ATP8A1: variants seen among roughly 807,000 people sequenced by gnomAD.
ATP8A1 encodes phospholipid-transporting ATPase IA.
ATP8A1 carries 90 observed loss-of-function variants against 177.7 expected under a neutral mutation model. The ratio of observed to expected loss-of-function variants is 0.51; its 90% CI spans 0.43 to 0.60. The LOEUF (loss-of-function observed/expected upper bound fraction) is 0.60. ATP8A1 is among the 20% of genes least tolerant of loss of function. The pLI is 0.00. For synonymous variants in ATP8A1, 493 were observed against 485.9 expected (o/e 1.01, Z -0.19); for missense variants, 1,072 against 1,392.8 (o/e 0.77, Z 3.67).
At chr4:42,481,349 C>A (rs963717440) in intron 25 of ATP8A1, among the ~76,000 whole-genome samples, 1 of 152,142 alleles carries the variant, frequency 6.6e-6, no homozygotes, top group Non-Finnish European at 1.5e-5. Flanking sequence ...CCTGCTATGA[C>A]GAAGCTGGTC....
chr4:42,465,861 T>A (rs1719689384), intron 25 of ATP8A1, among the ~76,000 whole-genome samples: 1 of 151,614 alleles, frequency 6.6e-6, no homozygotes, highest in Non-Finnish European at 1.5e-5. Context: ...TGAAACCCCG[T>A]CTCTACTAAA....
chr4:42,591,382 TC>T (rs1734163658), intron 6 of ATP8A1, among the ~76,000 whole-genome samples: 1 of 152,094 alleles, frequency 6.6e-6, no homozygotes, highest in South Asian at 2.1e-4. Context: ...ATGTTCTGAC[TC>T]CAAAATATTT....
At chr4:42,619,449 T>C (rs1312932048) in intron 4 of ATP8A1, among the ~76,000 whole-genome samples, 1 of 152,070 alleles carries the variant, frequency 6.6e-6, no homozygotes, top group Non-Finnish European at 1.5e-5. Flanking sequence ...AATTTTAGAG[T>C]ATTTCCAAGT....
chr4:42,464,654 C>A, intron 27 of ATP8A1, 36 bp downstream of exon 27: 1 of 1,248,322 alleles, frequency 8.0e-7, no homozygotes, highest in Non-Finnish European at 1.1e-6. Flanking sequence ...AATATGTATG[C>A]AAATGACAAG....
rs191050267 is a variant in ATP8A1, at chr4:42,642,768, C to G, written c.49+14057G>C. On this transcript the variant is annotated intron_variant, in intron 1 of 36. Transcript: ENST00000381668. ...ATTTTACCTCAAGATGCTACTACTA[C>G]TAATTAGAATCATGAAATTAGCTCC... is the stretch of plus-strand genomic sequence containing the variant. Among the ~76,000 whole-genome samples the G allele has an allele frequency of 2.7e-3, 410 of 152,252 alleles. 3 individuals are homozygous for G. The highest frequency in any genetic ancestry group is 4.6e-3 in the Non-Finnish European group (316 of 68,034).
At chr4:42,585,188 G>A (rs1197766090) in intron 9 of ATP8A1, among the ~76,000 whole-genome samples, 1 of 152,080 alleles carries the variant, frequency 6.6e-6, no homozygotes, top group African/African-American at 2.4e-5. Context: ...CCTTTTCAAT[G>A]AGGCTAACTG....
chr4:42,440,680 G>C (rs9999429), intron 33 of ATP8A1, among the ~76,000 whole-genome samples: 2 of 152,086 alleles, frequency 1.3e-5, no homozygotes, highest in Non-Finnish European at 2.9e-5. Context: ...TAAAGTAAGC[G>C]TTCAATATTC....
At chr4:42,551,169 A>G in intron 18 of ATP8A1, 29 bp downstream of exon 18, 1 of 1,564,156 alleles carries the variant, frequency 6.4e-7, no homozygotes, top group South Asian at 1.1e-5. Flanking sequence ...TACTTGGATT[A>G]AAAAGAACCT....
intron 24 of ATP8A1, among the ~76,000 whole-genome samples, chr4:42,486,877 G>C (rs1244773627): frequency 2.0e-5 from 3 of 152,164 alleles, no homozygotes; most frequent in Admixed American, 2.0e-4. Flanking sequence ...TCTGGAATAG[G>C]CTATGCCATC....
chr4:42,583,920 A>G (rs1733358327), intron 9 of ATP8A1, among the ~76,000 whole-genome samples: 1 of 152,258 alleles, frequency 6.6e-6, no homozygotes, highest in Non-Finnish European at 1.5e-5. Flanking sequence ...GGAATGTCAG[A>G]CTATAGAAAC....
chr4:42,496,326 C>A (rs545335417), intron 24 of ATP8A1, among the ~76,000 whole-genome samples: 1 of 152,012 alleles, frequency 6.6e-6, no homozygotes, highest in East Asian at 1.9e-4. Flanking sequence ...TTACCAAAGC[C>A]CCCATGGTAA....
chr4:42,504,958 TCTC>T (rs1379423174), intron 23 of ATP8A1, among the ~76,000 whole-genome samples: 1 of 152,230 alleles, frequency 6.6e-6, no homozygotes, highest in Non-Finnish European at 1.5e-5. Context: ...ACAAGCTCCC[TCTC>T]CTCTTTTAGG....
chr4:42,631,743 A>G (rs1411257346), intron 1 of ATP8A1, among the ~76,000 whole-genome samples: 2 of 152,152 alleles, frequency 1.3e-5, no homozygotes, highest in Admixed American at 1.3e-4. Flanking sequence ...ACACAAATTG[A>G]TATTTAATCT....
intron 27 of ATP8A1, among the ~76,000 whole-genome samples, chr4:42,458,548 C>T (rs987015444): frequency 6.6e-6 from 1 of 152,216 alleles, no homozygotes; most frequent in Non-Finnish European, 1.5e-5. Context: ...ACACCTAGAG[C>T]TGCTCCTGGG....
chr4:42,609,593 A>T (rs1736169286), intron 5 of ATP8A1, among the ~76,000 whole-genome samples: 1 of 152,150 alleles, frequency 6.6e-6, no homozygotes, highest in African/African-American at 2.4e-5. Context: ...AACAACGGCT[A>T]CTTCTTTTAA....
rs148294636 is a variant in ATP8A1, at chr4:42,581,324, G to A, written c.834+297C>T. ...AATTTTTTGTATTTTCAGTAGAGAC[G>A]GGCTTTCACCGTGTTAGCCAGCATG... On this transcript the variant is annotated intron_variant, in intron 10 of 36. Coordinates refer to ENST00000381668, the MANE Select transcript of ATP8A1 (RefSeq NM_006095.2). Among the ~76,000 whole-genome samples the A allele has an allele frequency of 9.1e-3, 1,382 of 152,168 alleles. 20 individuals are homozygous for A. Among genetic ancestry groups the A allele is most frequent in the Non-Finnish European group, 0.015 (998 of 68,006 alleles).
intron 24 of ATP8A1, among the ~76,000 whole-genome samples, chr4:42,502,161 G>A (rs1054219425): frequency 1.5e-4 from 23 of 152,002 alleles, no homozygotes; most frequent in African/African-American, 5.1e-4. Context: ...GAAAAAGAAT[G>A]ATAAACCAGA....
intron 1 of ATP8A1, among the ~76,000 whole-genome samples, chr4:42,642,089 C>A (rs1740052605): frequency 6.6e-6 from 1 of 152,038 alleles, no homozygotes; most frequent in Non-Finnish European, 1.5e-5. Flanking sequence ...CAGTATAGCA[C>A]ACACAGCAAC....
chr4:42,572,551 C>A (rs1426734320), intron 14 of ATP8A1, among the ~76,000 whole-genome samples: 3 of 152,134 alleles, frequency 2.0e-5, no homozygotes, highest in Non-Finnish European at 4.4e-5. Flanking sequence ...GGAGGGAACA[C>A]TGATAAAAAC....
Sources: allele counts gnomAD v4.1 joint callset (sites outside exome capture counted in the v4.1 genomes callset), GRCh38; gene constraint gnomAD v4.1.1; transcripts MANE v1.5; gene names NCBI Gene and HGNC (gene_info 2026-07-23, HGNC 2026-07-21).